Variants in PFKP observed in about 807,000 individuals in gnomAD.
PFKP encodes the protein ATP-dependent 6-phosphofructokinase, platelet type.
In PFKP, 101 loss-of-function variants were observed where a neutral mutation model predicts 94.3. The ratio of observed to expected loss-of-function variants is 1.07; its 90% CI spans 0.91 to 1.26. The LOEUF (loss-of-function observed/expected upper bound fraction) is 1.26, where lower values mean the gene tolerates loss of function less well. PFKP is among the 50% of genes most tolerant of loss of function. The pLI, the probability that PFKP is intolerant of heterozygous loss-of-function variation, is 0.00. For missense variants in PFKP, 1,145 were observed against 1,103.3 expected (o/e 1.04, Z -0.53); for synonymous variants, 573 against 432.6 (o/e 1.32, Z -4.03).
rs755660481 is a variant in PFKP at position 3,129,917 on chromosome 10, G to T, written c.1782G>T (p.Gly594=). 15 of 1,612,262 alleles carry T rather than the reference G, an allele frequency of 9.3e-6. No individual in the cohort carries two copies. The highest frequency in any genetic ancestry group is 3.3e-4 in the Middle Eastern group (2 of 6,082). Residue 594 remains glycine, a synonymous_variant, in exon 17 of 22, where the codon GGG becomes GGT. Coordinates refer to ENST00000381125, the MANE Select transcript of PFKP (RefSeq NM_002627.5). ...ACTGTGGCTACCTGGCCAACATGGGGGGGCTCGCGGCCGGAGCTGATGCCG... is the reference window on the plus strand; with the variant it reads ...ACTGTGGCTACCTGGCCAACATGGGTGGGCTCGCGGCCGGAGCTGATGCCG... ...GGYCGYLANM[G]GLAAGADAAY...
Position 3,101,474 on chromosome 10 carries a change from T to G in PFKP, c.374T>G (p.Ile125Ser). Residue 125 changes from isoleucine (I) to serine (S), a missense_variant, in exon 4 of 22, where the codon ATC (isoleucine) becomes AGC (serine). Transcript: ENST00000381125. The stretch of plus-strand genomic sequence containing the variant: ...CGCGGCATCACCAACCTGTGTGTGA[T>G]CGGCGGGGACGGGAGCCTCACCGGG... ...LQRGITNLCV[I>S]GGDGSLTGAN... is the part of the protein sequence containing the mutation. 2 of 1,606,284 alleles carry G rather than the reference T, an allele frequency of 1.2e-6. No homozygotes were observed. Among genetic ancestry groups the G allele is most frequent in the Non-Finnish European group, 1.7e-6 (2 of 1,176,216 alleles).
In PFKP at chr10:3,113,206, C is replaced by T. The variant is rs755014816; in HGVS notation, c.1224+18C>T. The T allele has an allele frequency of 1.8e-5, 29 of 1,606,644 alleles. No individual in the cohort carries two copies. Among genetic ancestry groups the T allele is most frequent in the Middle Eastern group, 1.7e-4 (1 of 6,050 alleles). On this transcript the variant is annotated intron_variant, in intron 12 of 21. Transcript: ENST00000381125. ...TCCCAAAGGTAGGTGGCCGGCCTCC[C>T]GCGATGCCCCGACCTCTCCTGCGGG...
chr10:3,078,695 C>A (rs1325708207), intron 1 of PFKP, among the ~76,000 whole-genome samples: 1 of 152,186 alleles, frequency 6.6e-6, no homozygotes, highest in Non-Finnish European at 1.5e-5. Flanking sequence ...ATCAGTTTAT[C>A]CCCCTAAGAG....
Position 3,080,434 on chromosome 10 carries a change from G to A in PFKP, c.113-1954G>A, listed in dbSNP as rs369965121. Among the ~76,000 whole-genome samples the A allele has an allele frequency of 3.3e-5, 5 of 149,878 alleles. No homozygotes were observed. In the East Asian group the frequency reaches 9.9e-4, roughly 30 times the overall value. ...CAGGAGGCTGAGGCAGGAGAATGGCGTGAACCTGGGAGGCGGAGCTTGCAG... is the reference window on the plus strand; with the variant it reads ...CAGGAGGCTGAGGCAGGAGAATGGCATGAACCTGGGAGGCGGAGCTTGCAG... On this transcript the variant is annotated intron_variant, in intron 1 of 21. Coordinates refer to ENST00000381125, the MANE Select transcript of PFKP (RefSeq NM_002627.5).
chr10:3,101,430 T>C lies in PFKP; in HGVS notation c.330T>C (p.Ala110=), dbSNP rs201102284. ...GCACGCGGGAAGGCCGCCTGAAGGC[T>C]GCTTGCAACCTGCTGCAGCGCGGCA... ...AFRTREGRLK[A]ACNLLQRGIT... Residue 110 remains alanine (A), a synonymous_variant, in exon 4 of 22, where the codon GCT becomes GCC. Coordinates refer to ENST00000381125, the MANE Select transcript of PFKP (RefSeq NM_002627.5). 5 of 1,608,956 alleles carry C rather than the reference T, an allele frequency of 3.1e-6. No homozygotes were observed. The highest frequency in any genetic ancestry group is 3.4e-5 in the Admixed American group (2 of 59,394).
intron 16 of PFKP, among the ~76,000 whole-genome samples, chr10:3,127,399 C>A (rs1012353574): frequency 4.6e-5 from 7 of 152,208 alleles, no homozygotes; most frequent in Admixed American, 4.6e-4. Flanking sequence ...AATTCTTTTG[C>A]CATTAAGCGG....
At chr10:3,093,890 G>C (rs112945140) in intron 2 of PFKP, among the ~76,000 whole-genome samples, 4 of 152,046 alleles carry the variant, frequency 2.6e-5, no homozygotes, top group Non-Finnish European at 4.4e-5. Flanking sequence ...TGATCCGCCC[G>C]CCTTGGCCTC....
rs1450734364 is a variant in PFKP at position 3,133,328 on chromosome 10, TGCATGAGG to T, written c.2022+16_2022+23del. 2 of 1,521,882 alleles carry T rather than the reference TGCATGAGG, an allele frequency of 1.3e-6. No individual in the cohort carries two copies. The highest frequency in any genetic ancestry group is 9.1e-7 in the Non-Finnish European group (1 of 1,095,616). The allele number at this position is 1,521,882 out of a possible 1,614,324, so 94.3% of individuals were successfully genotyped here. On this transcript the variant is annotated intron_variant, in intron 19 of 21. Transcript: ENST00000381125. The stretch of plus-strand genomic sequence containing the variant: ...CACATGCAGCAGGTAGGCCCGAGAC[TGCATGAGG>T]GGCCACAAAGCCCCTGTCATGTGAC...
chr10:3,067,811 G>C (rs576817309), intron 1 of PFKP, 104 bp downstream of exon 1: 54 of 502,012 alleles, frequency 1.1e-4, no homozygotes, highest in Non-Finnish European at 1.6e-4. Context: ...GGGAAGCGAT[G>C]GGGGGGACCC....
intron 4 of PFKP, among the ~76,000 whole-genome samples, chr10:3,102,183 G>A (rs1436340219): frequency 1.3e-4 from 19 of 141,702 alleles, no homozygotes; most frequent in Admixed American, 3.6e-4. Flanking sequence ...CCCGGGAGGC[G>A]GAGCTTGCAG....
chr10:3,116,876 G>T (rs770194814), intron 14 of PFKP, 30 bp downstream of exon 14: 1 of 1,499,952 alleles, frequency 6.7e-7, no homozygotes, highest in East Asian at 2.3e-5. Context: ...TCTATGACCT[G>T]CTTTTAAGGA....
intron 2 of PFKP, among the ~76,000 whole-genome samples, chr10:3,087,958 G>C (rs1049904820): frequency 4.9e-5 from 7 of 141,524 alleles, no homozygotes; most frequent in African/African-American, 1.9e-4. Flanking sequence ...TGCTGTTACA[G>C]ATATAAAAAT....
chr10:3,119,266 T>C (rs1437308230), intron 15 of PFKP, among the ~76,000 whole-genome samples: 6 of 152,202 alleles, frequency 3.9e-5, no homozygotes, highest in Admixed American at 6.5e-5. Context: ...ATTTTTTCTA[T>C]TCATGAAGAT....
chr10:3,079,766 G>T (rs930863217), intron 1 of PFKP, among the ~76,000 whole-genome samples: 1 of 151,412 alleles, frequency 6.6e-6, no homozygotes, highest in Admixed American at 6.6e-5. Context: ...TGTTTGATGG[G>T]TAATTCATCC....
chr10:3,115,238 C>T lies in PFKP; in HGVS notation c.1372-1538C>T, dbSNP rs111966087. 1.6e-4 allele frequency among the ~76,000 whole-genome samples: 15 copies of T among 94,784 alleles called. No homozygotes were observed. The East Asian group carries it at 4.6e-3, about 29-fold the overall frequency. The allele number at this position is 94,784 out of a possible 152,430, so 62.2% of individuals were successfully genotyped here. A position where few individuals can be genotyped will look rare whatever the true frequency, so the allele number is the denominator to read the frequency against. On this transcript the variant is annotated intron_variant, in intron 13 of 21. Transcript: ENST00000381125. ...AGGGTGAAAGTGTGTGTCCCACGGC[C>T]GAGGACAGGACTGGGGATGCTGGGG...
chr10:3,093,844 C>A (rs192486389), intron 2 of PFKP, among the ~76,000 whole-genome samples: 1 of 152,008 alleles, frequency 6.6e-6, no homozygotes. Flanking sequence ...GGGGTTTCAC[C>A]GTGTTAGCCA....
chr10:3,131,447 CAG>C (rs1452908083), intron 17 of PFKP, among the ~76,000 whole-genome samples: 2 of 152,146 alleles, frequency 1.3e-5, no homozygotes, highest in African/African-American at 4.8e-5. Context: ...GAAATTATGA[CAG>C]ATTTTTATTT....
intron 1 of PFKP, among the ~76,000 whole-genome samples, chr10:3,076,710 CAG>C (rs1477871755): frequency 6.6e-6 from 1 of 152,202 alleles, no homozygotes; most frequent in Non-Finnish European, 1.5e-5. Context: ...TGCATCCACA[CAG>C]AGCCCAGCAG....
rs1218641050 is a variant in PFKP, at chr10:3,103,961, A to G, written c.620+17A>G. ...GGCCCAGAGGTAAAGCGCTCAGAGG[A>G]ACCGGCGGGAGGCCAGTGGGGCCCG... On this transcript the variant is annotated intron_variant, in intron 5 of 21. Coordinates refer to ENST00000381125, the MANE Select transcript of PFKP (RefSeq NM_002627.5). 6.2e-7 allele frequency: 1 copy of G among 1,611,026 alleles called. No homozygotes were observed. The highest frequency in any genetic ancestry group is 8.5e-7 in the Non-Finnish European group (1 of 1,179,048).
Sources: gnomAD v4.1 joint callset for allele counts (sites outside exome capture counted in the v4.1 genomes callset) on GRCh38, gnomAD v4.1.1 for gene constraint, MANE v1.5 for transcripts, NCBI Gene and HGNC (gene_info 2026-07-23, HGNC 2026-07-21) for gene names.